The following RORA variants were observed in gnomAD, a reference collection of about 807,000 sequenced individuals.
The protein encoded by RORA is RAR related orphan receptor A, also known as nuclear receptor ROR-alpha.
A neutral mutation model predicts 69.5 loss-of-function variants in RORA; 7 were observed. The observed-to-expected ratio is 0.10, with a 90% CI of 0.06 to 0.19. The LOEUF is 0.19. Ranked by LOEUF, RORA falls within the 10% of genes least tolerant of loss-of-function variation. RORA has a pLI of 1.00. For missense variants in RORA, 457 were observed against 663.0 expected, an observed-to-expected ratio of 0.69 and a Z score of 3.41; for synonymous variants, 261 against 240.8, an observed-to-expected ratio of 1.08 and a Z score of -0.78.
intron 2 of RORA, among the ~76,000 whole-genome samples, chr15:60,557,239 TA>T (rs2067392784): frequency 6.6e-6 from 1 of 152,222 alleles, no homozygotes; most frequent in Non-Finnish European, 1.5e-5. Flanking sequence ...TATCCCTCTA[TA>T]GTCATACCTA....
chr15:61,075,972 C>G (rs955954331), intron 1 of RORA, among the ~76,000 whole-genome samples: 1 of 152,212 alleles, frequency 6.6e-6, no homozygotes, highest in African/African-American at 2.4e-5. Flanking sequence ...CATTGTTACC[C>G]TGCTGAGGCA....
chr15:61,212,444 G>C (rs1306197237), intron 1 of RORA, among the ~76,000 whole-genome samples: 2 of 152,170 alleles, frequency 1.3e-5, no homozygotes, highest in African/African-American at 4.8e-5. Context: ...CTGTCGCCCA[G>C]GCTGGAGTGC....
At chr15:60,601,376 T>A (rs2068805493) in intron 2 of RORA, among the ~76,000 whole-genome samples, 1 of 152,222 alleles carries the variant, frequency 6.6e-6, no homozygotes, top group African/African-American at 2.4e-5. Context: ...TGTTGCCATT[T>A]GTACATTTAA....
intron 3 of RORA, among the ~76,000 whole-genome samples, chr15:60,521,694 C>A (rs1457328946): frequency 6.6e-6 from 1 of 152,212 alleles, no homozygotes; most frequent in African/African-American, 2.4e-5. Flanking sequence ...GGTCCCATGG[C>A]TGGGACTCAA....
intron 1 of RORA, among the ~76,000 whole-genome samples, chr15:61,222,946 T>C (rs1048639764): frequency 2.0e-5 from 3 of 152,330 alleles, no homozygotes. Flanking sequence ...TACCATTAGA[T>C]GGGAGAAAAC....
At chr15:60,689,754 G>C (rs2070796280) in intron 1 of RORA, among the ~76,000 whole-genome samples, 1 of 152,154 alleles carries the variant, frequency 6.6e-6, no homozygotes, top group Non-Finnish European at 1.5e-5. Flanking sequence ...AACACATAGA[G>C]AAAAAGGCCA....
chr15:60,697,831 C>T (rs1019650701), intron 1 of RORA, among the ~76,000 whole-genome samples: 9 of 152,162 alleles, frequency 5.9e-5, no homozygotes, highest in African/African-American at 1.9e-4. Flanking sequence ...GGTCTCCATT[C>T]ATATTACATG....
At chr15:60,993,223 C>T (rs1228040298) in intron 1 of RORA, among the ~76,000 whole-genome samples, 1 of 152,144 alleles carries the variant, frequency 6.6e-6, no homozygotes, top group African/African-American at 2.4e-5. Context: ...GTGTCATGTC[C>T]CAAGTATTCT....
At chr15:61,070,985 C>T (rs1012733543) in intron 1 of RORA, among the ~76,000 whole-genome samples, 7 of 151,756 alleles carry the variant, frequency 4.6e-5, no homozygotes, top group Admixed American at 3.3e-4. Flanking sequence ...TTGCTCTCTC[C>T]TCTGTAAATA....
intron 1 of RORA, among the ~76,000 whole-genome samples, chr15:60,717,181 G>A (rs1195497987): frequency 6.6e-6 from 1 of 152,166 alleles, no homozygotes; most frequent in Admixed American, 6.5e-5. Flanking sequence ...GTTACTTGGT[G>A]TGTGGGAAAA....
chr15:60,761,859 G>A (rs1341614683), intron 1 of RORA, among the ~76,000 whole-genome samples: 5 of 152,152 alleles, frequency 3.3e-5, no homozygotes, highest in African/African-American at 1.2e-4. Flanking sequence ...AAACCAGGAG[G>A]GTGTGTGATT....
chr15:61,174,030 A>T (rs1158991093), intron 1 of RORA, among the ~76,000 whole-genome samples: 1 of 152,138 alleles, frequency 6.6e-6, no homozygotes, highest in Admixed American at 6.5e-5. Flanking sequence ...TTTGGAAAAC[A>T]TTTCCATCCT....
At chr15:60,659,600 C>G (rs185642971) in intron 2 of RORA, among the ~76,000 whole-genome samples, 1 of 152,180 alleles carries the variant, frequency 6.6e-6, no homozygotes, top group African/African-American at 2.4e-5. Flanking sequence ...TTATATAGTT[C>G]AAGAGATCAT....
At chr15:61,169,480 G>C (rs2079566661) in intron 1 of RORA, among the ~76,000 whole-genome samples, 1 of 151,750 alleles carries the variant, frequency 6.6e-6, no homozygotes, top group African/African-American at 2.4e-5. Context: ...ACCTTGTTAA[G>C]TGAGAGGAAG....
chr15:60,662,304 G>C (rs748020539), intron 2 of RORA, among the ~76,000 whole-genome samples: 3 of 152,172 alleles, frequency 2.0e-5, no homozygotes, highest in Non-Finnish European at 4.4e-5. Context: ...CCACTAAAAA[G>C]AGAGACTTGC....
chr15:60,855,645 G>A (rs941816727), intron 1 of RORA, among the ~76,000 whole-genome samples: 2 of 151,058 alleles, frequency 1.3e-5, no homozygotes, highest in Non-Finnish European at 2.9e-5. Context: ...ATGAAACTAA[G>A]TCTCGCTCTG....
intron 1 of RORA, among the ~76,000 whole-genome samples, chr15:60,839,602 T>C (rs1453513148): frequency 6.6e-6 from 1 of 152,146 alleles, no homozygotes; most frequent in African/African-American, 2.4e-5. Context: ...TCAATGCACA[T>C]CTGTACAGTG....
chr15:61,137,087 G>C (rs2079251640), intron 1 of RORA, among the ~76,000 whole-genome samples: 4 of 145,326 alleles, frequency 2.8e-5, no homozygotes, highest in Admixed American at 2.0e-4. Context: ...AAGAAAGAAA[G>C]AAAGAAAGAA....
At chr15:60,548,125 C>A (rs1379945836) in intron 2 of RORA, among the ~76,000 whole-genome samples, 1 of 152,184 alleles carries the variant, frequency 6.6e-6, no homozygotes, top group African/African-American at 2.4e-5. Context: ...TACCCCTACA[C>A]AGAAATTAGA....
Sources: allele counts gnomAD v4.1 joint callset (sites outside exome capture counted in the v4.1 genomes callset), GRCh38; gene constraint gnomAD v4.1.1; transcripts MANE v1.5; gene names NCBI Gene and HGNC (gene_info 2026-07-23, HGNC 2026-07-21).